SEMA5A: variants seen among roughly 807,000 people sequenced by gnomAD.
The protein encoded by SEMA5A is semaphorin-5A.
In SEMA5A, 55 loss-of-function variants were observed where a neutral mutation model predicts 135.5. That is an observed-to-expected ratio of 0.41 (90% CI 0.33 to 0.51). The LOEUF (loss-of-function observed/expected upper bound fraction) is 0.51. Among genes scored for constraint, SEMA5A ranks in the 20% least tolerant of loss-of-function variants. SEMA5A has a pLI of 0.37. For synonymous variants in SEMA5A, 580 were observed against 546.5 expected (o/e 1.06, Z -0.85); for missense variants, 1,290 against 1,419.9 (o/e 0.91, Z 1.47).
intron 6 of SEMA5A, among the ~76,000 whole-genome samples, chr5:9,236,246 C>T (rs1166060261): frequency 6.6e-6 from 1 of 152,194 alleles, no homozygotes; most frequent in Admixed American, 6.5e-5. Context: ...CCAGGCAAGG[C>T]CCACGGCAGG....
chr5:9,356,881 C>T (rs1183790934), intron 3 of SEMA5A, among the ~76,000 whole-genome samples: 1 of 152,156 alleles, frequency 6.6e-6, no homozygotes, highest in Non-Finnish European at 1.5e-5. Flanking sequence ...CTAGCTTTGT[C>T]TCTTCCACTG....
At chr5:9,075,019 T>C (rs1189757109) in intron 16 of SEMA5A, among the ~76,000 whole-genome samples, 1 of 152,188 alleles carries the variant, frequency 6.6e-6, no homozygotes, top group Non-Finnish European at 1.5e-5. Flanking sequence ...GATTTAGAGA[T>C]TTTTAGATAT....
chr5:9,401,932 G>A (rs999376924), intron 2 of SEMA5A, among the ~76,000 whole-genome samples: 1 of 152,088 alleles, frequency 6.6e-6, no homozygotes. Context: ...TGTACCAGTC[G>A]AATAAGGCCC....
At position 9,358,391 on chromosome 5, in the gene SEMA5A, G is replaced by T. The variant is rs989291555; in HGVS notation, c.125-20579C>A. Among the ~76,000 whole-genome samples, 3 of 151,958 alleles carry T rather than the reference G, an allele frequency of 2.0e-5. No individual in the cohort carries two copies. The South Asian group carries it at 6.3e-4, about 32-fold the overall frequency. On this transcript the variant is annotated intron_variant, in intron 3 of 22. Transcript: ENST00000382496. ...CCCTTTCCTTACCTGGTGGTCTGAC[G>T]CCTGTCGTTCTGACTCCAGCTGGGA...
chr5:9,256,290 G>T (rs76445006), intron 5 of SEMA5A, among the ~76,000 whole-genome samples: 1 of 152,096 alleles, frequency 6.6e-6, no homozygotes, highest in Non-Finnish European at 1.5e-5. Context: ...AGGTGTTTCT[G>T]CCTCCAATTC....
At chr5:9,388,670 T>C (rs547299776) in intron 2 of SEMA5A, among the ~76,000 whole-genome samples, 111 of 151,908 alleles carry the variant, frequency 7.3e-4, no homozygotes, top group East Asian at 2.5e-3. Flanking sequence ...GAGGCCGAGG[T>C]GGGCGGATCA....
At chr5:9,138,324 T>C (rs779878935) in intron 12 of SEMA5A, among the ~76,000 whole-genome samples, 1 of 152,168 alleles carries the variant, frequency 6.6e-6, no homozygotes, top group Non-Finnish European at 1.5e-5. Flanking sequence ...TCCATACATA[T>C]AAGCATGCTT....
intron 2 of SEMA5A, among the ~76,000 whole-genome samples, chr5:9,401,066 T>C (rs1275581189): frequency 6.6e-6 from 1 of 152,150 alleles, no homozygotes; most frequent in East Asian, 1.9e-4. Flanking sequence ...TACACATTTC[T>C]TCACTCCAAC....
At chr5:9,231,203 A>G (rs1025249709) in intron 6 of SEMA5A, among the ~76,000 whole-genome samples, 2 of 152,174 alleles carry the variant, frequency 1.3e-5, no homozygotes, top group African/African-American at 4.8e-5. Flanking sequence ...CGGTGGTTCC[A>G]TGCCTGTAAT....
intron 14 of SEMA5A, 65 bp from the exon 15 acceptor site, chr5:9,119,206 C>T (rs1321803726): frequency 1.4e-5 from 22 of 1,569,520 alleles, no homozygotes; most frequent in South Asian, 4.7e-5. Flanking sequence ...CCTGTCTGCA[C>T]CCACGGCCAA....
rs199741424 is a variant in SEMA5A at position 9,353,100 on chromosome 5, A to AAGGAAAGGAAAGGAAAG, written c.125-15289_125-15288insCTTTCCTTTCCTTTCCT. On this transcript the variant is annotated intron_variant, in intron 3 of 22. Coordinates refer to ENST00000382496, the MANE Select transcript of SEMA5A (RefSeq NM_003966.3). Reference sequence around the variant, plus strand: ...AAAGGAAAGGAAAGGAAAGGAAGGAAGGAAAGGAAAGGAAAGGAAAGGAAA... The same window carrying AAGGAAAGGAAAGGAAAG: ...AAAGGAAAGGAAAGGAAAGGAAGGAAAGGAAAGGAAAGGAAAGGGAAAGGAAAGGAAAGGAAAGGAAA... 6.4e-3 allele frequency among the ~76,000 whole-genome samples: 90 copies of AAGGAAAGGAAAGGAAAG among 14,022 alleles called. 3 individuals are homozygous for AAGGAAAGGAAAGGAAAG. The highest frequency in any genetic ancestry group is 8.4e-3 in the Non-Finnish European group (55 of 6,564). The allele number at this position is 14,022 out of a possible 152,430, so 9.2% of individuals were successfully genotyped here.
intron 3 of SEMA5A, among the ~76,000 whole-genome samples, chr5:9,369,710 C>T (rs1267193603): frequency 2.0e-5 from 3 of 151,802 alleles, no homozygotes; most frequent in African/African-American, 4.8e-5. Flanking sequence ...TATAGTTTTC[C>T]TCATGCAATT....
intron 1 of SEMA5A, among the ~76,000 whole-genome samples, chr5:9,480,202 C>CA (rs1273532226): frequency 6.6e-6 from 1 of 152,096 alleles, no homozygotes; most frequent in Admixed American, 6.5e-5. Flanking sequence ...CCCCTGAGGG[C>CA]AAAATCACTT....
chr5:9,530,580 G>T (rs866403438), intron 1 of SEMA5A, among the ~76,000 whole-genome samples: 2 of 152,112 alleles, frequency 1.3e-5, no homozygotes, highest in East Asian at 1.9e-4. Context: ...AAACAGAATA[G>T]AAGTTAATTA....
intron 1 of SEMA5A, among the ~76,000 whole-genome samples, chr5:9,473,094 AACTT>A (rs1759535182): frequency 7.0e-6 from 1 of 143,762 alleles, no homozygotes; most frequent in African/African-American, 2.6e-5. Flanking sequence ...TGTACCCTAA[AACTT>A]AAAGTATAAT....
intron 2 of SEMA5A, among the ~76,000 whole-genome samples, chr5:9,380,366 T>C (rs992375568): frequency 2.0e-5 from 3 of 152,336 alleles, no homozygotes; most frequent in Admixed American, 2.0e-4. Context: ...CGGATTTCCC[T>C]TGGTCACCTG....
At chr5:9,156,042 T>C (rs1742936564) in intron 11 of SEMA5A, among the ~76,000 whole-genome samples, 1 of 152,104 alleles carries the variant, frequency 6.6e-6, no homozygotes, top group African/African-American at 2.4e-5. Context: ...GCGGGGAAGA[T>C]TTTAAAATGA....
intron 1 of SEMA5A, among the ~76,000 whole-genome samples, chr5:9,483,081 A>C (rs1022433728): frequency 6.6e-6 from 1 of 152,170 alleles, no homozygotes; most frequent in South Asian, 2.1e-4. Context: ...ATTCAGAAGC[A>C]CTTTAGTTTT....
chr5:9,541,568 T>C (rs1461465490), intron 1 of SEMA5A, among the ~76,000 whole-genome samples: 3 of 152,210 alleles, frequency 2.0e-5, no homozygotes, highest in Non-Finnish European at 4.4e-5. Flanking sequence ...AAAAAAGAGT[T>C]TAAAAACAGA....
Sources: allele counts gnomAD v4.1 joint callset (sites outside exome capture counted in the v4.1 genomes callset), GRCh38; gene constraint gnomAD v4.1.1; transcripts MANE v1.5; gene names NCBI Gene and HGNC (gene_info 2026-07-23, HGNC 2026-07-21).